Variants in TRPS1 observed in about 807,000 individuals in gnomAD.
TRPS1 encodes the protein transcriptional repressor GATA binding 1, also known as zinc finger transcription factor Trps1.
Under a neutral mutation model 101.2 loss-of-function variants are expected in TRPS1, and 6 were observed. That is an observed-to-expected ratio of 0.06 (90% CI 0.03 to 0.12). The LOEUF is 0.12. Among genes scored for constraint, TRPS1 ranks in the 10% least tolerant of loss-of-function variants. The pLI is 1.00. For synonymous variants in TRPS1, 578 were observed against 589.8 expected (o/e 0.98, Z 0.29); for missense variants, 1,363 against 1,567.0 (o/e 0.87, Z 2.20).
intron 5 of TRPS1, among the ~76,000 whole-genome samples, chr8:115,513,183 T>C (rs550611347): frequency 1.4e-4 from 21 of 151,786 alleles, no homozygotes; most frequent in Non-Finnish European, 2.7e-4. Flanking sequence ...TTTGTAAATA[T>C]AATGTAACTA....
At chr8:115,617,585 C>T (rs893900828) in intron 3 of TRPS1, among the ~76,000 whole-genome samples, 4 of 152,182 alleles carry the variant, frequency 2.6e-5, no homozygotes, top group African/African-American at 9.7e-5. Flanking sequence ...AGTGAACAGA[C>T]TGAAACGCCT....
chr8:115,556,003 C>A (rs1029170060), intron 5 of TRPS1, among the ~76,000 whole-genome samples: 2 of 151,750 alleles, frequency 1.3e-5, no homozygotes, highest in African/African-American at 4.8e-5. Context: ...CCAGCCTGGA[C>A]GACAGAGACT....
intron 5 of TRPS1, among the ~76,000 whole-genome samples, chr8:115,527,606 G>T (rs1816030251): frequency 6.6e-6 from 1 of 151,918 alleles, no homozygotes; most frequent in Non-Finnish European, 1.5e-5. Context: ...GCACTAATGG[G>T]CAATTTATAA....
At position 115,604,987 on chromosome 8, in the gene TRPS1, T is replaced by C. The variant is rs1818004375; in HGVS notation, c.982A>G (p.Thr328Ala). The C allele has an allele frequency of 6.2e-7, 1 of 1,613,640 alleles. No homozygotes were observed. The highest frequency in any genetic ancestry group is 8.5e-7 in the Non-Finnish European group (1 of 1,179,922). The change falls in exon 4 of 7, where the codon ACA (threonine) becomes GCA (alanine). Residue 328 changes from threonine (T) to alanine (A), a missense_variant. Thr to Ala is a moderately conservative substitution (Grantham distance 58). This residue lies in a region of TRPS1 where 1,020 missense variants were observed against 1,073.0 expected (regional missense o/e 0.95). Transcript: ENST00000395715. This position sits in a 1 kb window ranked among gnomAD's most constrained non-coding sequence, Gnocchi z 4.1. ...TYDVQVTSGGTFIGIGRKTPD... is the reference protein window; with the variant it reads ...TYDVQVTSGGAFIGIGRKTPD... ...GTTTTCCGTCCAATGCCAATGAATG[T>C]TCCACCTGAAGTCACCTGGAGAACA...
chr8:115,627,458 A>C (rs1254679973), intron 1 of TRPS1, among the ~76,000 whole-genome samples: 1 of 151,808 alleles, frequency 6.6e-6, no homozygotes, highest in African/African-American at 2.4e-5. Flanking sequence ...GGCTATTTCA[A>C]CTGGTCTCTG....
At chr8:115,556,571 G>A (rs1233274616) in intron 5 of TRPS1, among the ~76,000 whole-genome samples, 2 of 152,108 alleles carry the variant, frequency 1.3e-5, no homozygotes, top group Admixed American at 1.3e-4. Flanking sequence ...GATGGCAAAT[G>A]CCATTCCTGT....
At chr8:115,639,666 A>C (rs887504197) in intron 1 of TRPS1, among the ~76,000 whole-genome samples, 3 of 43,246 alleles carry the variant, frequency 6.9e-5, no homozygotes, top group Non-Finnish European at 1.1e-4. Flanking sequence ...CAATCTCTAC[A>C]AAAAAAAAAA....
intron 2 of TRPS1, among the ~76,000 whole-genome samples, chr8:115,622,477 G>A (rs1818417642): frequency 6.6e-6 from 1 of 152,142 alleles, no homozygotes; most frequent in Non-Finnish European, 1.5e-5. Context: ...TACAGAAAAG[G>A]ATATTTTAGG....
intron 1 of TRPS1, among the ~76,000 whole-genome samples, chr8:115,652,473 C>T (rs1344232893): frequency 2.6e-5 from 4 of 152,120 alleles, no homozygotes; most frequent in Non-Finnish European, 4.4e-5. Flanking sequence ...CAACAAGCAA[C>T]GTTTTGACTT....
chr8:115,616,281 C>G (rs953495188), intron 3 of TRPS1, among the ~76,000 whole-genome samples: 1 of 152,160 alleles, frequency 6.6e-6, no homozygotes, highest in Non-Finnish European at 1.5e-5. Flanking sequence ...CTAATTTATA[C>G]AAAAGTGGAT....
intron 5 of TRPS1, among the ~76,000 whole-genome samples, chr8:115,467,444 A>AG (rs1814352008): frequency 6.6e-6 from 1 of 152,230 alleles, no homozygotes; most frequent in East Asian, 1.9e-4. Context: ...AAAAAAAAAA[A>AG]AAGTCAGTAT....
rs570947128 is a variant in TRPS1, at chr8:115,587,085, G to A, written c.2616C>T (p.Gly872=). 6.2e-7 allele frequency: 1 copy of A among 1,614,056 alleles called. No individual in the cohort carries two copies. Among genetic ancestry groups the A allele is most frequent in the East Asian group, 2.2e-5 (1 of 44,866 alleles). ...TKGFLQGAPA[G]GEKSGALPQQ... is the part of the protein sequence containing the mutation. ...GGGGGAGGGCCCCAGACTTCTCTCC[G>A]CCAGCTGGCGCCCCCTGCAGGAATC... The change falls in exon 5 of 7, where the codon GGC becomes GGT. Residue 872 remains glycine (G), a synonymous_variant. Coordinates refer to ENST00000395715, the MANE Select transcript of TRPS1 (RefSeq NM_014112.5).
chr8:115,609,441 A>T (rs1227419355), intron 3 of TRPS1, among the ~76,000 whole-genome samples: 1 of 152,180 alleles, frequency 6.6e-6, no homozygotes, highest in Non-Finnish European at 1.5e-5. Context: ...TCTTATTCAC[A>T]TCTAGAAGAA....
chr8:115,644,677 T>C (rs890581142), intron 1 of TRPS1, among the ~76,000 whole-genome samples: 4 of 152,366 alleles, frequency 2.6e-5, no homozygotes, highest in Admixed American at 6.5e-5. Flanking sequence ...ACAAGAGGCC[T>C]AGTTTTTGGC....
At chr8:115,533,153 A>T (rs73371339) in intron 5 of TRPS1, among the ~76,000 whole-genome samples, 3,255 of 152,206 alleles carry the variant, frequency 0.021, 118 homozygotes, top group African/African-American at 0.069. Context: ...TGAGAGAGTA[A>T]ATTCTAGCTT....
intron 3 of TRPS1, among the ~76,000 whole-genome samples, chr8:115,613,205 G>A (rs947412989): frequency 7.2e-5 from 11 of 152,208 alleles, no homozygotes; most frequent in African/African-American, 1.2e-4. Context: ...CACCTTATTC[G>A]CTCTACCAGA....
At chr8:115,505,286 CA>C (rs1815414841) in intron 5 of TRPS1, among the ~76,000 whole-genome samples, 1 of 152,130 alleles carries the variant, frequency 6.6e-6, no homozygotes, top group African/African-American at 2.4e-5. Flanking sequence ...TCTGTTAACA[CA>C]GTTTACCTAC....
intron 5 of TRPS1, among the ~76,000 whole-genome samples, chr8:115,548,318 T>A (rs1816625632): frequency 6.6e-6 from 1 of 152,082 alleles, no homozygotes; most frequent in Non-Finnish European, 1.5e-5. Flanking sequence ...ACATTCATTT[T>A]TTTGTTTTTG....
chr8:115,450,124 G>C (rs766077528), intron 5 of TRPS1, among the ~76,000 whole-genome samples: 1 of 152,170 alleles, frequency 6.6e-6, no homozygotes, highest in African/African-American at 2.4e-5. Flanking sequence ...GAGGCTGTGT[G>C]TAACGGAGAA....
Sources: allele counts gnomAD v4.1 joint callset (sites outside exome capture counted in the v4.1 genomes callset), GRCh38; gene constraint gnomAD v4.1.1; regional missense constraint gnomAD v4.1.1; non-coding constraint Gnocchi (gnomAD v3.1); transcripts MANE v1.5; gene names NCBI Gene and HGNC (gene_info 2026-07-23, HGNC 2026-07-21).